Variants in DENND2C observed in about 807,000 individuals in gnomAD.
The protein encoded by DENND2C is DENN domain containing 2C.
A neutral mutation model predicts 112.4 loss-of-function variants in DENND2C; 72 were observed. The observed-to-expected ratio is 0.64, with a 90% CI of 0.53 to 0.78. The LOEUF (loss-of-function observed/expected upper bound fraction) is 0.78, where lower values mean the gene tolerates loss of function less well. Among genes scored for constraint, DENND2C ranks in the 30% least tolerant of loss-of-function variants. The probability of loss-of-function intolerance (pLI) is 0.00; values close to 1 mark genes in which losing one functional copy is unlikely to be tolerated. For synonymous variants in DENND2C, 329 were observed against 381.6 expected (o/e 0.86, Z 1.61); for missense variants, 992 against 1,113.8 (o/e 0.89, Z 1.56).
Position 114,624,653 on chromosome 1 carries a change from G to A in DENND2C, c.806+526C>T, listed in dbSNP as rs141240050. 6.8e-3 allele frequency among the ~76,000 whole-genome samples: 944 copies of A among 139,482 alleles called. 13 individuals carry two copies. The highest frequency in any genetic ancestry group is 0.024 in the African/African-American group (889 of 37,470). The allele number at this position is 139,482 out of a possible 152,430, so 91.5% of individuals were successfully genotyped here. On this transcript the variant is annotated intron_variant, in intron 4 of 20. Transcript: ENST00000393274. ...TTTTTTTTTTTTGAGACTGAGTCTT[G>A]CTCTGTCAGCCAGGCTGAAGTGCAG...
At chr1:114,604,873 T>G (rs1557942468) in intron 11 of DENND2C, 49 bp downstream of exon 11, 1 of 1,346,448 alleles carries the variant, frequency 7.4e-7, no homozygotes, top group Non-Finnish European at 1.1e-6. Context: ...TACTCTGATT[T>G]ATTTTTGCAG....
chr1:114,600,386 T>C (rs1240609988), intron 14 of DENND2C, 34 bp from the exon 15 acceptor site: 1 of 1,612,792 alleles, frequency 6.2e-7, no homozygotes, highest in Non-Finnish European at 8.5e-7. Context: ...GGTGAGCTAA[T>C]GTTGGAAAAC....
chr1:114,657,369 G>C (rs1469674641), intron 1 of DENND2C, among the ~76,000 whole-genome samples: 5 of 151,304 alleles, frequency 3.3e-5, no homozygotes. Flanking sequence ...TGTTAGAATT[G>C]AGCTTTATAA....
At position 114,594,483 on chromosome 1, in the gene DENND2C, A is replaced by G; in HGVS notation, c.2421T>C (p.Asn807=). Residue 807 remains asparagine, a synonymous_variant, in exon 18 of 21, where the codon AAT becomes AAC. Coordinates refer to ENST00000393274, the MANE Select transcript of DENND2C (RefSeq NM_001256404.2). ...ERNEILTQEQ[N]FSQDVTLNSL... is the part of the protein sequence containing the mutation. ...TCACTTGTCTCATACCTTGTGAAAAATTCTGCTCCTGAGTCAAGATTTCAT... is the reference window on the plus strand; with the variant it reads ...TCACTTGTCTCATACCTTGTGAAAAGTTCTGCTCCTGAGTCAAGATTTCAT... 1 of 1,613,934 alleles carries G rather than the reference A, an allele frequency of 6.2e-7. No individual in the cohort carries two copies. The highest frequency in any genetic ancestry group is 2.2e-5 in the East Asian group (1 of 44,860).
intron 20 of DENND2C, 31 bp from the exon 21 acceptor site, chr1:114,585,662 C>A: frequency 6.2e-7 from 1 of 1,606,604 alleles, no homozygotes; most frequent in Non-Finnish European, 8.5e-7. Flanking sequence ...AGTGAATGCT[C>A]AATTCATTTT....
intron 17 of DENND2C, 122 bp from the exon 18 acceptor site, chr1:114,594,700 T>A (rs1655292390): frequency 1.3e-6 from 1 of 744,620 alleles, no homozygotes. Flanking sequence ...GGCTAAAGAG[T>A]CAGTCTGAAG....
At chr1:114,666,751 C>G (rs1657659631) in intron 1 of DENND2C, among the ~76,000 whole-genome samples, 1 of 152,206 alleles carries the variant, frequency 6.6e-6, no homozygotes, top group Non-Finnish European at 1.5e-5. Context: ...CCACGCCTGG[C>G]CCTAAATCTT....
Position 114,600,936 on chromosome 1 carries a change from T to C in DENND2C, c.1840A>G (p.Arg614Gly), listed in dbSNP as rs1370127170. Residue 614 changes from arginine to glycine, a missense_variant, in exon 14 of 21, where the codon AGA becomes GGA. Around this residue, in one of 3 missense-constraint regions of DENND2C, gnomAD observed 516 missense variants for 623.6 expected, o/e 0.83. Coordinates refer to ENST00000393274, the MANE Select transcript of DENND2C (RefSeq NM_001256404.2). ...SKILDEVEKRREMSPALVYPF... is the reference protein window; with the variant it reads ...SKILDEVEKRGEMSPALVYPF... ...TAAACAAGGGCTGGAGACATTTCTC[T>C]TCTCTTCTCTACTTCATCCAGAATC... is the stretch of plus-strand genomic sequence containing the variant. 6.2e-7 allele frequency: 1 copy of C among 1,613,818 alleles called. No homozygotes were observed.
At chr1:114,611,221 TAATAAAGCTGCTGAGCCTTTCTCCAAACC>T in intron 8 of DENND2C, 104 bp from the exon 9 acceptor site, 1 of 1,278,634 alleles carries the variant, frequency 7.8e-7, no homozygotes, top group Non-Finnish European at 1.1e-6. Flanking sequence ...GAGTAAGGAA[TAATAAAGCTGCTGAGCCTTTCTCCAAACC>T]ACTTGGTTGT....
At chr1:114,606,774 T>A (rs1655666627) in intron 10 of DENND2C, among the ~76,000 whole-genome samples, 6 of 152,306 alleles carry the variant, frequency 3.9e-5, no homozygotes, top group Middle Eastern at 3.4e-3. Context: ...GGTGCTGCAG[T>A]CTGCAATCCG....
At chr1:114,653,619 C>T (rs111835009) in intron 2 of DENND2C, among the ~76,000 whole-genome samples, 30 of 151,948 alleles carry the variant, frequency 2.0e-4, no homozygotes, top group Non-Finnish European at 3.8e-4. Flanking sequence ...TATTTTATAA[C>T]TTTTTATAAT....
At chr1:114,627,957 T>C (rs955219302) in intron 3 of DENND2C, among the ~76,000 whole-genome samples, 7 of 151,762 alleles carry the variant, frequency 4.6e-5, no homozygotes, top group Non-Finnish European at 7.4e-5. Context: ...ATGGCTCAAA[T>C]TGAGAAAAAA....
intron 1 of DENND2C, among the ~76,000 whole-genome samples, chr1:114,668,007 A>T (rs1175885666): frequency 6.6e-6 from 1 of 152,186 alleles, no homozygotes. Flanking sequence ...CATCCGCTTT[A>T]AAAACAGCTT....
intron 3 of DENND2C, among the ~76,000 whole-genome samples, chr1:114,641,965 T>A (rs576505693): frequency 9.2e-5 from 14 of 152,118 alleles, no homozygotes; most frequent in African/African-American, 2.4e-4. Flanking sequence ...ATATATATAT[T>A]TTTTTGAGAT....
At position 114,594,485 on chromosome 1, in the gene DENND2C, T is replaced by A; in HGVS notation, c.2419A>T (p.Asn807Tyr). The A allele has an allele frequency of 6.2e-7, 1 of 1,613,974 alleles. No homozygotes were observed. The highest frequency in any genetic ancestry group is 8.5e-7 in the Non-Finnish European group (1 of 1,179,922). ...ACTTGTCTCATACCTTGTGAAAAAT[T>A]CTGCTCCTGAGTCAAGATTTCATTT... Reference protein sequence around the residue: ...ERNEILTQEQNFSQDVTLNSL... With the variant: ...ERNEILTQEQYFSQDVTLNSL... The change falls in exon 18 of 21, where the codon AAT becomes TAT. Residue 807 changes from asparagine (N) to tyrosine (Y), a missense_variant. By Grantham distance (143) the Asn-to-Tyr change is moderately radical. This residue lies in a region of DENND2C where 516 missense variants were observed against 623.6 expected (regional missense o/e 0.83). Transcript: ENST00000393274.
intron 2 of DENND2C, among the ~76,000 whole-genome samples, chr1:114,647,202 G>T (rs1657017017): frequency 6.6e-6 from 1 of 151,104 alleles, no homozygotes; most frequent in Non-Finnish European, 1.5e-5. Flanking sequence ...AATATTCAGG[G>T]GTCTGCTAAA....
chr1:114,588,409 T>C (rs537694926), intron 18 of DENND2C: 18 of 157,908 alleles, frequency 1.1e-4, no homozygotes, highest in Non-Finnish European at 2.1e-4. Context: ...TCTTGTCCTT[T>C]CTTTCTCTTC....
chr1:114,640,614 A>C (rs917893025), intron 3 of DENND2C, among the ~76,000 whole-genome samples: 2 of 152,220 alleles, frequency 1.3e-5, no homozygotes, highest in African/African-American at 2.4e-5. Context: ...ATTAAGGTCC[A>C]CTTCAGTGCT....
intron 2 of DENND2C, among the ~76,000 whole-genome samples, chr1:114,646,084 A>T (rs1452989904): frequency 1.3e-5 from 2 of 151,362 alleles, no homozygotes; most frequent in Non-Finnish European, 2.9e-5. Flanking sequence ...CCGCCACCAC[A>T]CCCGGCTAAT....
Sources: gnomAD v4.1 joint callset for allele counts (sites outside exome capture counted in the v4.1 genomes callset) on GRCh38, gnomAD v4.1.1 for gene constraint, gnomAD v4.1.1 regional missense constraint, MANE v1.5 for transcripts, NCBI Gene and HGNC (gene_info 2026-07-23, HGNC 2026-07-21) for gene names.